The following RBMS3 variants were observed in gnomAD, a reference collection of about 807,000 sequenced individuals.
RBMS3 encodes RNA binding motif single stranded interacting protein 3.
A neutral mutation model predicts 66.8 loss-of-function variants in RBMS3; 27 were observed. The observed-to-expected ratio is 0.40, with a 90% CI of 0.30 to 0.56. RBMS3 has a LOEUF of 0.56. RBMS3 is among the 20% of genes least tolerant of loss of function. The probability of loss-of-function intolerance (pLI) is 0.40; values close to 1 mark genes in which losing one functional copy is unlikely to be tolerated. For missense variants in RBMS3, 513 were observed against 549.5 expected, an observed-to-expected ratio of 0.93 and a Z score of 0.66; for synonymous variants, 188 against 183.0, an observed-to-expected ratio of 1.03 and a Z score of -0.22.
intron 1 of RBMS3, among the ~76,000 whole-genome samples, chr3:29,295,549 A>G (rs937869583): frequency 2.0e-5 from 3 of 151,322 alleles, no homozygotes; most frequent in African/African-American, 7.3e-5. Context: ...ATTAATAGTA[A>G]GGTGTGTGTC....
At chr3:29,612,222 T>C (rs1481420345) in intron 4 of RBMS3, among the ~76,000 whole-genome samples, 1 of 152,046 alleles carries the variant, frequency 6.6e-6, no homozygotes, top group Non-Finnish European at 1.5e-5. Context: ...TATATGTAAA[T>C]AGTGATTGCA....
intron 2 of RBMS3, among the ~76,000 whole-genome samples, chr3:29,455,143 G>A (rs185126221): frequency 5.2e-4 from 79 of 152,128 alleles, no homozygotes; most frequent in African/African-American, 1.8e-3. Context: ...TTGCAGGATC[G>A]TTCGCCACAA....
intron 2 of RBMS3, among the ~76,000 whole-genome samples, chr3:29,472,221 G>T (rs1195764561): frequency 6.7e-6 from 1 of 148,926 alleles, no homozygotes; most frequent in African/African-American, 2.5e-5. Flanking sequence ...TTGAAATGGG[G>T]TCTCGCTCTG....
At chr3:29,325,516 G>A (rs930349638) in intron 1 of RBMS3, among the ~76,000 whole-genome samples, 6 of 129,788 alleles carry the variant, frequency 4.6e-5, no homozygotes, top group East Asian at 4.0e-4. Flanking sequence ...ATATATATAT[G>A]TGTGTGTGTG....
intron 14 of RBMS3, among the ~76,000 whole-genome samples, chr3:29,992,836 A>T (rs958799009): frequency 1.3e-5 from 2 of 152,308 alleles, no homozygotes; most frequent in South Asian, 4.1e-4. Context: ...GAGGGTGGTC[A>T]TATCAACGAT....
intron 12 of RBMS3, among the ~76,000 whole-genome samples, chr3:29,953,823 C>T (rs1033532131): frequency 1.3e-5 from 2 of 151,774 alleles, no homozygotes; most frequent in Non-Finnish European, 2.9e-5. Flanking sequence ...GTTCCAAACA[C>T]GAGTCTTCCC....
rs151089136 is a variant in RBMS3, at chr3:29,978,099, A to G, written c.1099-10044A>G. Reference sequence around the variant, plus strand: ...TTTAACCAGTGTTTGTGCAGGCTGTATTATTAAGTCTGACTGTAGTTCATC... The same window carrying G: ...TTTAACCAGTGTTTGTGCAGGCTGTGTTATTAAGTCTGACTGTAGTTCATC... On this transcript the variant is annotated intron_variant, in intron 12 of 14. Coordinates refer to ENST00000383767, the MANE Select transcript of RBMS3 (RefSeq NM_001003793.3). Among the ~76,000 whole-genome samples, 239 of 152,302 alleles carry G rather than the reference A, an allele frequency of 1.6e-3. 1 individual carries two copies. The highest frequency in any genetic ancestry group is 5.4e-3 in the African/African-American group (226 of 41,574).
At chr3:29,866,298 G>A (rs968125604) in intron 6 of RBMS3, among the ~76,000 whole-genome samples, 1 of 152,076 alleles carries the variant, frequency 6.6e-6, no homozygotes, top group African/African-American at 2.4e-5. Flanking sequence ...ACTCAATAAA[G>A]CTGTTAAAAA....
chr3:29,455,876 TA>T (rs2042175620), intron 2 of RBMS3, among the ~76,000 whole-genome samples: 1 of 151,626 alleles, frequency 6.6e-6, no homozygotes, highest in Non-Finnish European at 1.5e-5. Context: ...TTGTTTACGA[TA>T]AGAGAGCTGA....
At chr3:29,745,653 T>C (rs17616084) in intron 5 of RBMS3, among the ~76,000 whole-genome samples, 11 of 152,224 alleles carry the variant, frequency 7.2e-5, no homozygotes, top group African/African-American at 2.2e-4. Context: ...TCTGGGAACA[T>C]AGAACCTCTT....
chr3:29,739,997 G>A (rs976532930), intron 5 of RBMS3, 120 bp downstream of exon 5: 9 of 764,194 alleles, frequency 1.2e-5, no homozygotes, highest in African/African-American at 9.0e-5. Context: ...AAAATTAAAA[G>A]TAGCTTATCA....
chr3:29,365,048 G>A (rs746522912), intron 1 of RBMS3, among the ~76,000 whole-genome samples: 1 of 151,958 alleles, frequency 6.6e-6, no homozygotes. Context: ...ATGGAATATC[G>A]TATAAAATTA....
intron 14 of RBMS3, among the ~76,000 whole-genome samples, chr3:29,999,884 T>G (rs2125399188): frequency 6.6e-6 from 1 of 152,024 alleles, no homozygotes; most frequent in East Asian, 1.9e-4. Flanking sequence ...ATTGTGCACC[T>G]GTACCCTAAA....
intron 6 of RBMS3, among the ~76,000 whole-genome samples, chr3:29,790,068 T>C (rs982942460): frequency 1.3e-5 from 2 of 152,180 alleles, no homozygotes; most frequent in African/African-American, 4.8e-5. Flanking sequence ...TGATTTTAGC[T>C]AAGACAATCC....
At chr3:29,530,720 A>AT (rs920441390) in intron 3 of RBMS3, among the ~76,000 whole-genome samples, 3 of 151,216 alleles carry the variant, frequency 2.0e-5, no homozygotes, top group Non-Finnish European at 4.4e-5. Flanking sequence ...AAAAAAAAAA[A>AT]AATTAGATGG....
rs542451987 is a variant in RBMS3 at position 29,531,369 on chromosome 3, C to A, written c.307+42870C>A. On this transcript the variant is annotated intron_variant, in intron 3 of 14. Coordinates refer to ENST00000383767, the MANE Select transcript of RBMS3 (RefSeq NM_001003793.3). The stretch of plus-strand genomic sequence containing the variant: ...AATGCTGTGTAAGTCAGGCTTCAAC[C>A]ATGAGACTTACATGGATTGTTTTCA... Among the ~76,000 whole-genome samples, 149 of 152,342 alleles carry A rather than the reference C, an allele frequency of 9.8e-4. 3 individuals are homozygous for A. Among genetic ancestry groups the A allele is most frequent in the Non-Finnish European group, 2.2e-4 (15 of 68,030 alleles).
At chr3:29,951,647 A>G (rs1161990562) in intron 12 of RBMS3, among the ~76,000 whole-genome samples, 1 of 151,772 alleles carries the variant, frequency 6.6e-6, no homozygotes, top group African/African-American at 2.4e-5. Flanking sequence ...TTTTTGAAGT[A>G]TCATTAATCT....
intron 4 of RBMS3, among the ~76,000 whole-genome samples, chr3:29,598,400 A>C (rs956382359): frequency 2.6e-5 from 4 of 152,116 alleles, no homozygotes; most frequent in African/African-American, 9.6e-5. Context: ...TTGAAAGACC[A>C]AGGTTAATAG....
intron 5 of RBMS3, among the ~76,000 whole-genome samples, chr3:29,747,120 AAAGT>A (rs1412392516): frequency 1.3e-5 from 2 of 152,198 alleles, no homozygotes; most frequent in Admixed American, 1.3e-4. Flanking sequence ...GGCCAATAGA[AAAGT>A]AAGAGGTGGA....
Sources: allele counts gnomAD v4.1 joint callset (sites outside exome capture counted in the v4.1 genomes callset), GRCh38; gene constraint gnomAD v4.1.1; transcripts MANE v1.5; gene names NCBI Gene and HGNC (gene_info 2026-07-23, HGNC 2026-07-21).